ARHGAP35: variants seen among roughly 807,000 people sequenced by gnomAD.
The protein encoded by ARHGAP35 is Rho GTPase activating protein 35, also known as rho GTPase-activating protein 35.
Under a neutral mutation model 111.1 loss-of-function variants are expected in ARHGAP35, and 15 were observed. The ratio of observed to expected loss-of-function variants is 0.13; its 90% CI spans 0.09 to 0.21. The LOEUF is 0.21. Ranked by LOEUF, ARHGAP35 falls within the 10% of genes least tolerant of loss-of-function variation. The pLI is 1.00. For synonymous variants in ARHGAP35, 643 were observed against 710.3 expected, an observed-to-expected ratio of 0.91 and a Z score of 1.51; for missense variants, 1,262 against 1,873.0, an observed-to-expected ratio of 0.67 and a Z score of 6.02.
intron 3 of ARHGAP35, among the ~76,000 whole-genome samples, chr19:46,955,601 G>A (rs1232281033): frequency 6.6e-6 from 1 of 151,910 alleles, no homozygotes; most frequent in Non-Finnish European, 1.5e-5. Flanking sequence ...TTTTTGTTTT[G>A]TTTTGTGACA....
intron 2 of ARHGAP35, among the ~76,000 whole-genome samples, chr19:46,931,886 C>G (rs746962326): frequency 6.6e-6 from 1 of 152,202 alleles, no homozygotes; most frequent in African/African-American, 2.4e-5. Flanking sequence ...CCTTACCTTG[C>G]AGAGTGGTCG....
Position 46,918,586 on chromosome 19 carries a change from A to T in ARHGAP35, c.-90A>T. On this transcript the variant is annotated 5_prime_UTR_variant, in exon 2 of 7. Transcript: ENST00000672722. This position sits in a 1 kb window ranked among gnomAD's most constrained non-coding sequence, Gnocchi z 5.4. ...GGCATTTTTGCTGCATGTCCAGCCC[A>T]CCCCCACTAATAATGTAGGAAGCTG... The T allele has an allele frequency of 7.5e-7, 1 of 1,341,534 alleles. No homozygotes were observed. Among genetic ancestry groups the T allele is most frequent in the Admixed American group, 2.0e-5 (1 of 50,708 alleles). 83.1% of individuals were successfully genotyped at this position (1,341,534 alleles called of 1,614,324 possible).
At chr19:46,933,189 G>A (rs940476794) in intron 2 of ARHGAP35, among the ~76,000 whole-genome samples, 22 of 143,756 alleles carry the variant, frequency 1.5e-4, no homozygotes, top group Non-Finnish European at 3.0e-4. Context: ...TATCACCCAG[G>A]CTGGAGTGCA....
At position 46,926,739 on chromosome 19, in the gene ARHGAP35, G is replaced by A. The variant is rs1221230887; in HGVS notation, c.3681+4383G>A. ...TAACCAATTCAATCATGCATTGTTT[G>A]GTCTATAAGGCACCAAGTAACCAGT... On this transcript the variant is annotated intron_variant, in intron 2 of 6. Coordinates refer to ENST00000672722, the MANE Select transcript of ARHGAP35 (RefSeq NM_004491.5). The surrounding 1 kb of genome is among the most constrained non-coding windows in gnomAD (Gnocchi z 4.1). Among the ~76,000 whole-genome samples, 2 of 152,152 alleles carry A rather than the reference G, an allele frequency of 1.3e-5. No homozygotes were observed. The highest frequency in any genetic ancestry group is 2.9e-5 in the Non-Finnish European group (2 of 68,026).
Position 46,921,205 on chromosome 19 carries a change from T to G in ARHGAP35, c.2530T>G (p.Phe844Val), listed in dbSNP as rs763587380. The G allele has an allele frequency of 3.2e-5, 51 of 1,613,930 alleles. No individual in the cohort carries two copies. Among genetic ancestry groups the G allele is most frequent in the Non-Finnish European group, 4.3e-5 (51 of 1,179,910 alleles). ...ELSVLSYHSS[F>V]SIRKSRLVHG... ...GTCTGTTCTTTCATACCATTCCTCCTTTAGCATCAGAAAGAGCCGGTTGGT... is the reference window on the plus strand; with the variant it reads ...GTCTGTTCTTTCATACCATTCCTCCGTTAGCATCAGAAAGAGCCGGTTGGT... The change falls in exon 2 of 7, where the codon TTT becomes GTT. Residue 844 changes from phenylalanine to valine, a missense_variant. This residue lies in a region of ARHGAP35 where 579 missense variants were observed against 716.9 expected (regional missense o/e 0.81). Transcript: ENST00000672722. The surrounding 1 kb of genome is among the most constrained non-coding windows in gnomAD (Gnocchi z 4.3).
intron 1 of ARHGAP35, among the ~76,000 whole-genome samples, chr19:46,904,940 GGGAGT>G (rs1352636164): frequency 6.6e-6 from 1 of 152,228 alleles, no homozygotes; most frequent in African/African-American, 2.4e-5. Context: ...GGCAGTGCGG[GGGAGT>G]GGAGGGACGA....
intron 2 of ARHGAP35, among the ~76,000 whole-genome samples, chr19:46,928,550 G>C (rs1026388184): frequency 6.6e-6 from 1 of 152,030 alleles, no homozygotes; most frequent in African/African-American, 2.4e-5. Flanking sequence ...CCTCCTCGCT[G>C]TTTGGCTCCA....
At chr19:46,928,256 A>C (rs909456357) in intron 2 of ARHGAP35, among the ~76,000 whole-genome samples, 1 of 152,112 alleles carries the variant, frequency 6.6e-6, no homozygotes, top group Admixed American at 6.5e-5. Context: ...AGGCAACCCA[A>C]ATCTGTTTTT....
At position 46,877,101 on chromosome 19, in the gene ARHGAP35, TAGTC is replaced by T. The variant is rs745718463; in HGVS notation, c.-189+15895_-189+15898del. ...CCCATCTCTACTAAAAATACAAAAT[TAGTC>T]AGGCGTGGTGGCGCATGCCTGTAAT... On this transcript the variant is annotated intron_variant, in intron 1 of 6. Transcript: ENST00000672722. 8.7e-4 allele frequency among the ~76,000 whole-genome samples: 128 copies of T among 147,944 alleles called. 1 individual carries two copies. The highest frequency in any genetic ancestry group is 2.9e-3 in the Admixed American group (42 of 14,656).
In ARHGAP35 at chr19:46,945,593, AC is replaced by A. The variant is rs371907982; in HGVS notation, c.3826+8190del. ...ATTCAAGAAATCTGACAGCATAGGA[AC>A]CCCCTGAGGCAGCTTCCAAGTGTCG... On this transcript the variant is annotated intron_variant, in intron 3 of 6. Transcript: ENST00000672722. This position sits in a 1 kb window ranked among gnomAD's most constrained non-coding sequence, Gnocchi z 4.1. Among the ~76,000 whole-genome samples, 80 of 151,418 alleles carry A rather than the reference AC, an allele frequency of 5.3e-4. No homozygotes were observed. Among genetic ancestry groups the A allele is most frequent in the African/African-American group, 1.8e-3 (75 of 41,238 alleles).
At chr19:46,880,293 A>G (rs1004368413) in intron 1 of ARHGAP35, among the ~76,000 whole-genome samples, 4 of 151,788 alleles carry the variant, frequency 2.6e-5, no homozygotes, top group African/African-American at 7.3e-5. Flanking sequence ...TTTGCCGAGC[A>G]TGGTGGTGCA....
At chr19:46,878,389 C>T (rs1420471017) in intron 1 of ARHGAP35, among the ~76,000 whole-genome samples, 3 of 152,108 alleles carry the variant, frequency 2.0e-5, no homozygotes, top group Admixed American at 1.3e-4. Context: ...GGTGCAGTCT[C>T]AGCTCACTGC....
intron 1 of ARHGAP35, among the ~76,000 whole-genome samples, chr19:46,876,941 T>C (rs1336495759): frequency 1.3e-5 from 2 of 152,140 alleles, no homozygotes; most frequent in African/African-American, 4.8e-5. Context: ...GTTTTTCGTT[T>C]CCCAGTGCAT....
rs540941184 is a variant in ARHGAP35 at position 46,993,564 on chromosome 19, G to A, written c.4036+3889G>A. Among the ~76,000 whole-genome samples the A allele has an allele frequency of 3.9e-5, 6 of 152,284 alleles. No individual in the cohort carries two copies. The East Asian group carries it at 1.2e-3, about 29-fold the overall frequency. On this transcript the variant is annotated intron_variant, in intron 5 of 6. Transcript: ENST00000672722. The surrounding 1 kb of genome is among the most constrained non-coding windows in gnomAD (Gnocchi z 4.6). ...AGAGGTATGGGAAGCTAATCGGTAA[G>A]GTCCCTGTGCCCTCTGTCTGTCCCC... is the stretch of plus-strand genomic sequence containing the variant.
intron 1 of ARHGAP35, among the ~76,000 whole-genome samples, chr19:46,868,016 G>T (rs1472105053): frequency 6.6e-6 from 1 of 152,094 alleles, no homozygotes. Flanking sequence ...ACAGGCGCAC[G>T]CCCACCATGC....
intron 3 of ARHGAP35, among the ~76,000 whole-genome samples, chr19:46,981,581 C>T (rs1406621831): frequency 6.6e-6 from 1 of 152,208 alleles, no homozygotes; most frequent in East Asian, 1.9e-4. Context: ...TTGGATATTT[C>T]AGAAAATCAG....
At position 46,978,084 on chromosome 19, in the gene ARHGAP35, G is replaced by A. The variant is rs181718256; in HGVS notation, c.3827-9905G>A. Among the ~76,000 whole-genome samples, 382 of 152,328 alleles carry A rather than the reference G, an allele frequency of 2.5e-3. 1 individual carries two copies. Among genetic ancestry groups the A allele is most frequent in the African/African-American group, 8.8e-3 (366 of 41,572 alleles). On this transcript the variant is annotated intron_variant, in intron 3 of 6. Coordinates refer to ENST00000672722, the MANE Select transcript of ARHGAP35 (RefSeq NM_004491.5). Reference sequence around the variant, plus strand: ...CCTGCAAGTTCATCAGGACTGCAGTGAAGTATAAGGGGAGGGTGGCAGGCT... The same window carrying A: ...CCTGCAAGTTCATCAGGACTGCAGTAAAGTATAAGGGGAGGGTGGCAGGCT...
At chr19:46,944,297 T>C in intron 3 of ARHGAP35, among the ~76,000 whole-genome samples, 1 of 131,526 alleles carries the variant, frequency 7.6e-6, no homozygotes, top group East Asian at 2.2e-4. Flanking sequence ...AGACCCTGTC[T>C]CAAAAAAAAA....
In ARHGAP35 at chr19:46,999,145, G is replaced by A; in HGVS notation, c.4037-159G>A. On this transcript the variant is annotated intron_variant, in intron 5 of 6. Transcript: ENST00000672722. The surrounding 1 kb of genome is among the most constrained non-coding windows in gnomAD (Gnocchi z 5.4). ...ACCCCTGGGCCAGTGCCACTGCCAGGTGTGCCAGCCTTGGGCACAGGCTTT... is the reference window on the plus strand; with the variant it reads ...ACCCCTGGGCCAGTGCCACTGCCAGATGTGCCAGCCTTGGGCACAGGCTTT... The A allele has an allele frequency of 1.7e-6, 1 of 605,144 alleles. No individual in the cohort carries two copies. The highest frequency in any genetic ancestry group is 2.0e-5 in the South Asian group (1 of 48,974). 37.5% of individuals were successfully genotyped at this position (605,144 alleles called of 1,614,324 possible).
Sources: gnomAD v4.1 joint callset for allele counts (sites outside exome capture counted in the v4.1 genomes callset) on GRCh38, gnomAD v4.1.1 for gene constraint, gnomAD v4.1.1 regional missense constraint, Gnocchi (gnomAD v3.1) non-coding constraint, MANE v1.5 for transcripts, NCBI Gene and HGNC (gene_info 2026-07-23, HGNC 2026-07-21) for gene names.